The following ABCB5 variants were observed in gnomAD, a reference collection of about 807,000 sequenced individuals.
ABCB5 encodes ATP-binding cassette sub-family B member 5.
In ABCB5, 155 loss-of-function variants were observed where a neutral mutation model predicts 144.2. That is an observed-to-expected ratio of 1.08 (90% CI 0.94 to 1.23). The LOEUF is 1.23. ABCB5 is among the 50% of genes most tolerant of loss of function. The pLI is 0.00. For synonymous variants in ABCB5, 610 were observed against 528.6 expected, an observed-to-expected ratio of 1.15 and a Z score of -2.11; for missense variants, 1,830 against 1,520.8, an observed-to-expected ratio of 1.20 and a Z score of -3.38.
intron 26 of ABCB5, 30 bp from the exon 27 acceptor site, chr7:20,753,330 T>A (rs1202145992): frequency 6.3e-7 from 1 of 1,579,742 alleles, no homozygotes; most frequent in Non-Finnish European, 8.6e-7. Context: ...AACCAAGACT[T>A]GCTTTCTTAA....
intron 19 of ABCB5, among the ~76,000 whole-genome samples, chr7:20,704,495 T>C (rs1291833539): frequency 6.6e-6 from 1 of 152,190 alleles, no homozygotes; most frequent in Non-Finnish European, 1.5e-5. Context: ...CTATATGTGG[T>C]GATGAGTAAT....
At position 20,729,469 on chromosome 7, in the gene ABCB5, T is replaced by TGTG. The variant is rs529345088; in HGVS notation, c.2867+1018_2867+1020dup. Among the ~76,000 whole-genome samples the TGTG allele has an allele frequency of 5.9e-5, 9 of 152,264 alleles. 1 individual carries two copies. In the South Asian group the frequency reaches 1.9e-3, roughly 32 times the overall value. ...CAAAAATGTCACATTTGGAATTGAA[T>TGTG]GTGGTGTCCCAGTGAGGCTGCTTCT... is the stretch of plus-strand genomic sequence containing the variant. On this transcript the variant is annotated intron_variant, in intron 23 of 27. Coordinates refer to ENST00000404938, the MANE Select transcript of ABCB5 (RefSeq NM_001163941.2).
rs189231043 is a variant in ABCB5 at position 20,703,684 on chromosome 7, C to T, written c.2338-1040C>T. On this transcript the variant is annotated intron_variant, in intron 19 of 27. Transcript: ENST00000404938. The stretch of plus-strand genomic sequence containing the variant: ...ACAGTTTCCACATGGTTTTAATCTA[C>T]AAGAGATACAAGTGGTTCCAGTGAG... Among the ~76,000 whole-genome samples the T allele has an allele frequency of 6.6e-5, 10 of 152,200 alleles. No homozygotes were observed. In the East Asian group the frequency reaches 1.7e-3, roughly 26 times the overall value.
chr7:20,671,690 CTA>C (rs1466070828), intron 14 of ABCB5, among the ~76,000 whole-genome samples: 1 of 152,210 alleles, frequency 6.6e-6, no homozygotes, highest in African/African-American at 2.4e-5. Flanking sequence ...CTACTTATGA[CTA>C]TGCCACAATT....
chr7:20,700,255 G>C, intron 19 of ABCB5, 120 bp downstream of exon 19: 1 of 864,382 alleles, frequency 1.2e-6, no homozygotes, highest in South Asian at 2.4e-5. Context: ...CACTCTTTTT[G>C]TTCTAAGCAG....
chr7:20,673,683 C>T (rs934453262), intron 14 of ABCB5, among the ~76,000 whole-genome samples: 2 of 151,892 alleles, frequency 1.3e-5, no homozygotes, highest in Non-Finnish European at 2.9e-5. Flanking sequence ...ACAGATGACA[C>T]GTAGTTGGGT....
intron 16 of ABCB5, among the ~76,000 whole-genome samples, chr7:20,689,258 C>T (rs966608793): frequency 4.6e-5 from 7 of 152,194 alleles, no homozygotes; most frequent in Non-Finnish European, 7.3e-5. Flanking sequence ...CCCAGCAAGG[C>T]GGAGAGGCAG....
chr7:20,685,824 C>G lies in ABCB5; in HGVS notation c.1998C>G (p.Thr666=), dbSNP rs138914290. The change falls in exon 16 of 28, where the codon ACC becomes ACG. Residue 666 remains threonine (T), a synonymous_variant. Coordinates refer to ENST00000404938, the MANE Select transcript of ABCB5 (RefSeq NM_001163941.2). ...SDFIDKAEES[T]QSKEISLPEV... ...TCATTGACAAGGCTGAGGAATCCAC[C>G]CAATCTAAAGAGGTAATGGCTCAGC... 2 of 1,609,010 alleles carry G rather than the reference C, an allele frequency of 1.2e-6. No homozygotes were observed. The highest frequency in any genetic ancestry group is 2.2e-5 in the East Asian group (1 of 44,710).
chr7:20,639,965 G>T (rs995181804), intron 5 of ABCB5, among the ~76,000 whole-genome samples: 1 of 152,156 alleles, frequency 6.6e-6, no homozygotes, highest in African/African-American at 2.4e-5. Flanking sequence ...TAACAACACT[G>T]AGTCTCCCAA....
At chr7:20,731,220 G>C (rs1418521355) in intron 23 of ABCB5, among the ~76,000 whole-genome samples, 1 of 151,848 alleles carries the variant, frequency 6.6e-6, no homozygotes, top group Non-Finnish European at 1.5e-5. Context: ...TGGGCATGGT[G>C]GTGGGCGCCT....
intron 5 of ABCB5, among the ~76,000 whole-genome samples, chr7:20,633,136 T>C (rs1784074270): frequency 6.6e-6 from 1 of 151,906 alleles, no homozygotes; most frequent in Non-Finnish European, 1.5e-5. Context: ...CACACTAAAT[T>C]TGGAGACTAA....
At position 20,628,861 on chromosome 7, in the gene ABCB5, G is replaced by A. The variant is rs765524669; in HGVS notation, c.259+23G>A. ...CAAGTGAGTATACGATTATTTTTCTGTATCACTTAAGACACAAAAGCATTG... is the reference window on the plus strand; with the variant it reads ...CAAGTGAGTATACGATTATTTTTCTATATCACTTAAGACACAAAAGCATTG... On this transcript the variant is annotated intron_variant, in intron 4 of 27. Coordinates refer to ENST00000404938, the MANE Select transcript of ABCB5 (RefSeq NM_001163941.2). The A allele has an allele frequency of 4.3e-6, 7 of 1,610,708 alleles. No individual in the cohort carries two copies. The East Asian group carries it at 1.3e-4, about 31-fold the overall frequency.
At chr7:20,647,508 T>C (rs1784440181) in intron 9 of ABCB5, 27 bp from the exon 10 acceptor site, 6 of 1,527,928 alleles carry the variant, frequency 3.9e-6, no homozygotes, top group South Asian at 1.3e-5. Context: ...TGCAGAAAGA[T>C]AAATATCACT....
intron 14 of ABCB5, among the ~76,000 whole-genome samples, chr7:20,680,709 T>A (rs73280657): frequency 0.013 from 1,979 of 152,292 alleles, 36 homozygotes; most frequent in African/African-American, 0.044. Flanking sequence ...TGTACCCTTA[T>A]GTGCATTTTT....
chr7:20,621,891 T>C (rs1783812750), intron 1 of ABCB5, among the ~76,000 whole-genome samples: 1 of 152,152 alleles, frequency 6.6e-6, no homozygotes. Context: ...TATGGGACTG[T>C]GCAATAGAAA....
At chr7:20,721,290 G>A (rs1781859431) in intron 20 of ABCB5, among the ~76,000 whole-genome samples, 1 of 152,202 alleles carries the variant, frequency 6.6e-6, no homozygotes, top group Non-Finnish European at 1.5e-5. Flanking sequence ...GCGTATGGCT[G>A]TGGGCAGGTT....
At chr7:20,737,662 C>T (rs1782431159) in intron 23 of ABCB5, among the ~76,000 whole-genome samples, 1 of 152,004 alleles carries the variant, frequency 6.6e-6, no homozygotes, top group Non-Finnish European at 1.5e-5. Flanking sequence ...ACTCATAATC[C>T]AATTATCTTC....
intron 13 of ABCB5, 99 bp downstream of exon 13, chr7:20,651,722 G>A (rs961047553): frequency 1.0e-5 from 13 of 1,274,800 alleles, no homozygotes; most frequent in African/African-American, 1.5e-5. Context: ...GAATAGTAGG[G>A]GTGTGATTAA....
rs138591494 is a variant in ABCB5, at chr7:20,744,489, C to T, written c.3223-743C>T. Reference sequence around the variant, plus strand: ...ACCCCCTTCTCATGCCTCTCCATACCCTCCCCACTGCCTCAGTCGCTCTAC... The same window carrying T: ...ACCCCCTTCTCATGCCTCTCCATACTCTCCCCACTGCCTCAGTCGCTCTAC... On this transcript the variant is annotated intron_variant, in intron 25 of 27. Coordinates refer to ENST00000404938, the MANE Select transcript of ABCB5 (RefSeq NM_001163941.2). Among the ~76,000 whole-genome samples, 25 of 152,148 alleles carry T rather than the reference C, an allele frequency of 1.6e-4. No homozygotes were observed. The East Asian group carries it at 4.8e-3, about 29-fold the overall frequency.
Sources: gnomAD v4.1 joint callset for allele counts (sites outside exome capture counted in the v4.1 genomes callset) on GRCh38, gnomAD v4.1.1 for gene constraint, MANE v1.5 for transcripts, NCBI Gene and HGNC (gene_info 2026-07-23, HGNC 2026-07-21) for gene names.